Variants in LTBP3 observed in about 807,000 individuals in gnomAD.
The protein encoded by LTBP3 is latent-transforming growth factor beta-binding protein 3.
A neutral mutation model predicts 159.7 loss-of-function variants in LTBP3; 97 were observed. The observed-to-expected ratio is 0.61, with a 90% confidence interval of 0.52 to 0.72. The LOEUF (loss-of-function observed/expected upper bound fraction) is 0.72. LTBP3 is among the 30% of genes least tolerant of loss of function. The pLI, the probability that LTBP3 is intolerant of heterozygous loss-of-function variation, is 0.00. For missense variants in LTBP3, 1,584 were observed against 1,864.3 expected, an observed-to-expected ratio of 0.85 and a Z score of 2.77; for synonymous variants, 824 against 777.1, an observed-to-expected ratio of 1.06 and a Z score of -1.00.
rs1292715930 is a variant in LTBP3 at position 65,538,954 on chromosome 11, C to A, written c.*126G>T. 7 of 1,314,118 alleles carry A rather than the reference C, an allele frequency of 5.3e-6. No individual in the cohort carries two copies. In the Admixed American group the frequency reaches 2.7e-4, roughly 51 times the overall value. The allele number at this position is 1,314,118 out of a possible 1,614,324, so 81.4% of individuals were successfully genotyped here. A position where few individuals can be genotyped will look rare whatever the true frequency, so the allele number is the denominator to read the frequency against. ...TAGGGGCGCCTCGGGTCTCAAGGCG[C>A]CGGGAGGGTCTGCGGGCCCTGAAGG... On this transcript the variant is annotated 3_prime_UTR_variant, in exon 28 of 28. Transcript: ENST00000301873.
At position 65,539,997 on chromosome 11, in the gene LTBP3, C is replaced by A; in HGVS notation, c.3385+16G>T. ...ACAGGGCCCCGGGATCGGCCAAGGC[C>A]AACCCTCGCCCTCACCGGCCGGGCT... On this transcript the variant is annotated intron_variant, in intron 24 of 27. Coordinates refer to ENST00000301873, the MANE Select transcript of LTBP3 (RefSeq NM_001130144.3). 6.8e-7 allele frequency: 1 copy of A among 1,480,972 alleles called. No individual in the cohort carries two copies. Among genetic ancestry groups the A allele is most frequent in the South Asian group, 1.3e-5 (1 of 76,054 alleles). 91.7% of individuals were successfully genotyped at this position (1,480,972 alleles called of 1,614,324 possible).
intron 17 of LTBP3, 56 bp from the exon 18 acceptor site, chr11:65,543,280 G>C: frequency 6.2e-7 from 1 of 1,613,234 alleles, no homozygotes; most frequent in Non-Finnish European, 8.5e-7. Flanking sequence ...ACCCCAGCCT[G>C]AGGCAGCCAA....
rs1856862787 is a variant in LTBP3 at position 65,557,844 on chromosome 11, C to T, written c.116G>A (p.Gly39Asp). The T allele has an allele frequency of 7.3e-7, 1 of 1,361,726 alleles. No individual in the cohort carries two copies. Among genetic ancestry groups the T allele is most frequent in the Non-Finnish European group, 9.5e-7 (1 of 1,052,192 alleles). 84.4% of individuals were successfully genotyped at this position (1,361,726 alleles called of 1,614,324 possible). The part of the protein sequence containing the change: ...LLLLLLLGLG[G>D]RVEGGPAGER... ...GCCGGCCGGCCCCCCCTCGACCCTG[C>T]CGCCCAGGCCCAGCAGCAGCAGCAG... The change falls in exon 1 of 28, where the codon GGC becomes GAC. Residue 39 changes from glycine (G) to aspartate (D), a missense_variant. Physicochemically the swap from Gly to Asp is moderately conservative, Grantham distance 94. This residue lies in a region of LTBP3 where 79 missense variants were observed against 64.7 expected (regional missense o/e 1.22). Coordinates refer to ENST00000301873, the MANE Select transcript of LTBP3 (RefSeq NM_001130144.3).
chr11:65,539,937 CG>C (rs967970194), intron 24 of LTBP3, 56 bp from the exon 25 acceptor site: 2 of 1,469,950 alleles, frequency 1.4e-6, no homozygotes, highest in African/African-American at 2.9e-5. Context: ...CGCCCGCCTC[CG>C]CCCCACCCCA....
In LTBP3 at chr11:65,554,097, G is replaced by A. The variant is rs771130447; in HGVS notation, c.615C>T (p.His205=). ...GGCCTAGGGGCACCAGGAAGGCTGCGTGCTGGGCAGGAGGCCCCTCCCCGG... is the reference window on the plus strand; with the variant it reads ...GGCCTAGGGGCACCAGGAAGGCTGCATGCTGGGCAGGAGGCCCCTCCCCGG... ...PGPGEGPPAQ[H]AAFLVPLGPG... Residue 205 remains histidine, a synonymous_variant, in exon 2 of 28, where the codon CAC becomes CAT. Coordinates refer to ENST00000301873, the MANE Select transcript of LTBP3 (RefSeq NM_001130144.3). This position sits in a 1 kb window ranked among gnomAD's most constrained non-coding sequence, Gnocchi z 5.3. 6 of 1,609,258 alleles carry A rather than the reference G, an allele frequency of 3.7e-6. No homozygotes were observed. The Admixed American group carries it at 8.3e-5, about 22-fold the overall frequency.
Position 65,553,555 on chromosome 11 carries a change from G to T in LTBP3, c.865-25C>A. 1 of 1,515,958 alleles carries T rather than the reference G, an allele frequency of 6.6e-7. No homozygotes were observed. The highest frequency in any genetic ancestry group is 9.1e-7 in the Non-Finnish European group (1 of 1,095,006). 93.9% of individuals were successfully genotyped at this position (1,515,958 alleles called of 1,614,324 possible). A position where few individuals can be genotyped will look rare whatever the true frequency, so the allele number is the denominator to read the frequency against. The stretch of plus-strand genomic sequence containing the variant: ...ACTAGGGGAAGGAGGGGGAGGTGGG[G>T]TCACAGAGCACCCCGCCCCGGTGCC... On this transcript the variant is annotated intron_variant, in intron 3 of 27. Coordinates refer to ENST00000301873, the MANE Select transcript of LTBP3 (RefSeq NM_001130144.3). The surrounding 1 kb of genome is among the most constrained non-coding windows in gnomAD (Gnocchi z 6.5).
In LTBP3 at chr11:65,557,876, C is replaced by A; in HGVS notation, c.84G>T (p.Leu28=). Residue 28 remains leucine, a synonymous_variant, in exon 1 of 28, where the codon CTG becomes CTT. Transcript: ENST00000301873. ...GGCCCAGCAGCAGCAGCAGCAGCAG[C>A]AGCAGCAGCGCCAGCAGCCCCGCCG... is the stretch of plus-strand genomic sequence containing the variant. ...AGAAGLLALL[L]LLLLLLLGLG... The A allele has an allele frequency of 1.5e-6, 2 of 1,324,238 alleles. No homozygotes were observed. Among genetic ancestry groups the A allele is most frequent in the Non-Finnish European group, 9.7e-7 (1 of 1,029,564 alleles). 82.0% of individuals were successfully genotyped at this position (1,324,238 alleles called of 1,614,324 possible).
rs1377615305 is a variant in LTBP3, at chr11:65,539,786, C to A, written c.3481G>T (p.Asp1161Tyr). ...CCGCGGCCCTGGCGGCAGCAGCAGT[C>A]GTCGAAGGTGAGGGCAGGCCCGGCC... ...PLAGPALTFD[D>Y]CCCRQGRGWG... is the part of the protein sequence containing the mutation. The change falls in exon 25 of 28, where the codon GAC (aspartate) becomes TAC (tyrosine). Residue 1161 changes from aspartate (D) to tyrosine (Y), a missense_variant. By Grantham distance (160) the Asp-to-Tyr change is radical (BLOSUM62 -3). Around this residue, in one of 6 missense-constraint regions of LTBP3, gnomAD observed 514 missense variants for 530.3 expected, o/e 0.97. Coordinates refer to ENST00000301873, the MANE Select transcript of LTBP3 (RefSeq NM_001130144.3). 4 of 1,545,084 alleles carry A rather than the reference C, an allele frequency of 2.6e-6. No individual in the cohort carries two copies. Among genetic ancestry groups the A allele is most frequent in the Non-Finnish European group, 3.5e-6 (4 of 1,152,704 alleles).
intron 16 of LTBP3, chr11:65,545,529 G>C: frequency 4.3e-6 from 1 of 231,302 alleles, no homozygotes; most frequent in Non-Finnish European, 8.6e-6. Context: ...AACTGGAAAC[G>C]GGGAGGGGTC....
Position 65,546,208 on chromosome 11 carries a change from A to G in LTBP3, c.2353+234T>C. ...ATTCTTTGATATCTTTTTTCCTTCAAATTTAAGTAACATGCTTTGCAAACG... is the reference window on the plus strand; with the variant it reads ...ATTCTTTGATATCTTTTTTCCTTCAGATTTAAGTAACATGCTTTGCAAACG... On this transcript the variant is annotated intron_variant, in intron 16 of 27. Transcript: ENST00000301873. The surrounding 1 kb of genome is among the most constrained non-coding windows in gnomAD (Gnocchi z 4.0). 1.8e-6 allele frequency: 1 copy of G among 568,106 alleles called. No homozygotes were observed. Among genetic ancestry groups the G allele is most frequent in the Non-Finnish European group, 3.1e-6 (1 of 326,852 alleles). 35.2% of individuals were successfully genotyped at this position (568,106 alleles called of 1,614,324 possible).
At chr11:65,544,385 T>C (rs892263061) in intron 16 of LTBP3, 16 of 152,704 alleles carry the variant, frequency 1.0e-4, no homozygotes, top group African/African-American at 3.9e-4. Flanking sequence ...CCAGGGCTTA[T>C]CATCCCTAGG....
intron 25 of LTBP3, 35 bp from the exon 26 acceptor site, chr11:65,539,663 T>G (rs373698568): frequency 2.5e-6 from 4 of 1,583,888 alleles, no homozygotes; most frequent in Admixed American, 1.8e-5. Flanking sequence ...GACGTCCGGG[T>G]CCCCGGGCCC....
chr11:65,556,029 G>A (rs538931315), intron 1 of LTBP3, among the ~76,000 whole-genome samples: 7 of 152,262 alleles, frequency 4.6e-5, no homozygotes, highest in Non-Finnish European at 7.4e-5. Context: ...CACTCATAGC[G>A]GTGAGAGTGA....
At position 65,555,422 on chromosome 11, in the gene LTBP3, C is replaced by T. The variant is rs944891167; in HGVS notation, c.332-1042G>A. ...CACAACAGGGCCCCAGGTCCCCCCC[C>T]TCTCTATATATGCAGATCTCATCCT... is the stretch of plus-strand genomic sequence containing the variant. On this transcript the variant is annotated intron_variant, in intron 1 of 27. Transcript: ENST00000301873. Among the ~76,000 whole-genome samples the T allele has an allele frequency of 4.6e-5, 7 of 152,236 alleles. No homozygotes were observed. The South Asian group carries it at 1.0e-3, about 23-fold the overall frequency.
chr11:65,557,886 GC>G lies in LTBP3; in HGVS notation c.73del (p.Ala25ArgfsTer45). On this transcript the variant is annotated frameshift_variant, in exon 1 of 28. Coordinates refer to ENST00000301873, the MANE Select transcript of LTBP3 (RefSeq NM_001130144.3). LOFTEE classifies it high-confidence loss of function. ...MRGAGAAGLL[A>X]LLLLLLLLLL... ...CAGCAGCAGCAGCAGCAGCAGCAGC[GC>G]CAGCAGCCCCGCCGCCCCCGCCCCG... is the stretch of plus-strand genomic sequence containing the variant. 8.5e-7 allele frequency: 1 copy of G among 1,170,504 alleles called. No homozygotes were observed. Among genetic ancestry groups the G allele is most frequent in the Non-Finnish European group, 1.1e-6 (1 of 905,840 alleles). The allele number at this position is 1,170,504 out of a possible 1,614,324, so 72.5% of individuals were successfully genotyped here.
rs1299200759 is a variant in LTBP3, at chr11:65,542,892, G to C, written c.2596+213C>G. The C allele has an allele frequency of 9.4e-6, 6 of 638,658 alleles. No individual in the cohort carries two copies. The East Asian group carries it at 1.8e-4, about 19-fold the overall frequency. 39.6% of individuals were successfully genotyped at this position (638,658 alleles called of 1,614,324 possible). Reference sequence around the variant, plus strand: ...TGGAAGGCTGAGCAGATGGATGGGTGGGTGAGTGGAAGGATGAATGGAAGG... The same window carrying C: ...TGGAAGGCTGAGCAGATGGATGGGTCGGTGAGTGGAAGGATGAATGGAAGG... On this transcript the variant is annotated intron_variant, in intron 18 of 27. Coordinates refer to ENST00000301873, the MANE Select transcript of LTBP3 (RefSeq NM_001130144.3).
Position 65,553,581 on chromosome 11 carries a change from G to A in LTBP3, c.865-51C>T. The A allele has an allele frequency of 1.3e-6, 2 of 1,497,384 alleles. No individual in the cohort carries two copies. The highest frequency in any genetic ancestry group is 9.2e-7 in the Non-Finnish European group (1 of 1,086,622). The allele number at this position is 1,497,384 out of a possible 1,614,324, so 92.8% of individuals were successfully genotyped here. On this transcript the variant is annotated intron_variant, in intron 3 of 27. Transcript: ENST00000301873. This position sits in a 1 kb window ranked among gnomAD's most constrained non-coding sequence, Gnocchi z 6.5. ...TCACAGAGCACCCCGCCCCGGTGCCGCCTGTTAGGGTTGGGCCTTTTCCTC... is the reference window on the plus strand; with the variant it reads ...TCACAGAGCACCCCGCCCCGGTGCCACCTGTTAGGGTTGGGCCTTTTCCTC...
intron 9 of LTBP3, 29 bp from the exon 10 acceptor site, chr11:65,551,503 T>C (rs1198156202): frequency 1.2e-6 from 2 of 1,614,082 alleles, no homozygotes; most frequent in Admixed American, 3.3e-5. Flanking sequence ...TGAGCCCTCC[T>C]GTCCCTCGCC....
At position 65,554,777 on chromosome 11, in the gene LTBP3, G is replaced by A. The variant is rs1296149193; in HGVS notation, c.332-397C>T. Among the ~76,000 whole-genome samples the A allele has an allele frequency of 1.3e-5, 2 of 152,018 alleles. No homozygotes were observed. The highest frequency in any genetic ancestry group is 3.9e-4 in the East Asian group (2 of 5,186). Reference sequence around the variant, plus strand: ...TATGGTGATCTGGCTTTCCCCTTGAGCCTTCCAAAGGTATTGGCTCCGTCC... The same window carrying A: ...TATGGTGATCTGGCTTTCCCCTTGAACCTTCCAAAGGTATTGGCTCCGTCC... On this transcript the variant is annotated intron_variant, in intron 1 of 27. Coordinates refer to ENST00000301873, the MANE Select transcript of LTBP3 (RefSeq NM_001130144.3). The surrounding 1 kb of genome is among the most constrained non-coding windows in gnomAD (Gnocchi z 5.3).
Sources: gnomAD v4.1 joint callset for allele counts (sites outside exome capture counted in the v4.1 genomes callset) on GRCh38, gnomAD v4.1.1 for gene constraint, gnomAD v4.1.1 regional missense constraint, Gnocchi (gnomAD v3.1) non-coding constraint, MANE v1.5 for transcripts, NCBI Gene and HGNC (gene_info 2026-07-23, HGNC 2026-07-21) for gene names.